Variants in HDAC4 observed in about 807,000 individuals in gnomAD.
HDAC4 encodes histone deacetylase 4, also known as histone deacetylase A.
In HDAC4, 16 loss-of-function variants were observed where a neutral mutation model predicts 135.1. That is an observed-to-expected ratio of 0.12 (90% CI 0.08 to 0.18). The LOEUF (loss-of-function observed/expected upper bound fraction) is 0.18, where lower values mean the gene tolerates loss of function less well. Ranked by LOEUF, HDAC4 falls within the 10% of genes least tolerant of loss-of-function variation. The pLI is 1.00. For missense variants in HDAC4, 1,143 were observed against 1,511.8 expected, an observed-to-expected ratio of 0.76 and a Z score of 4.05; for synonymous variants, 685 against 653.4, an observed-to-expected ratio of 1.05 and a Z score of -0.74.
chr2:239,360,976 TC>T lies in HDAC4; in HGVS notation c.-219-8059del, dbSNP rs1693829085. Among the ~76,000 whole-genome samples, 3 of 152,274 alleles carry T rather than the reference TC, an allele frequency of 2.0e-5. No individual in the cohort carries two copies. In the South Asian group the frequency reaches 6.2e-4, roughly 32 times the overall value. On this transcript the variant is annotated intron_variant, in intron 1 of 26. Coordinates refer to ENST00000543185, the MANE Select transcript of HDAC4 (RefSeq NM_001378414.1). ...TAAGGACAGGAAAGGCACCTCTCTC[TC>T]CACCTCCACACCCACGTCCCACCTC... is the stretch of plus-strand genomic sequence containing the variant.
chr2:239,236,240 C>T (rs953411976), intron 3 of HDAC4, among the ~76,000 whole-genome samples: 2 of 152,216 alleles, frequency 1.3e-5, no homozygotes, highest in Admixed American at 6.5e-5. Flanking sequence ...GACCCAGCCC[C>T]GCCCACTGCA....
At chr2:239,133,947 G>A (rs1444775538) in intron 11 of HDAC4, among the ~76,000 whole-genome samples, 1 of 152,178 alleles carries the variant, frequency 6.6e-6, no homozygotes, top group African/African-American at 2.4e-5. Flanking sequence ...GGCTTCCAGC[G>A]CTGGCTCAGC....
chr2:239,333,576 T>C (rs900568660), intron 2 of HDAC4, among the ~76,000 whole-genome samples: 11 of 152,032 alleles, frequency 7.2e-5, no homozygotes, highest in Non-Finnish European at 1.5e-4. Context: ...ATTACAGAAG[T>C]GTAAGGTTGA....
intron 15 of HDAC4, among the ~76,000 whole-genome samples, chr2:239,107,490 G>A (rs2038260117): frequency 6.6e-6 from 1 of 152,220 alleles, no homozygotes; most frequent in Admixed American, 6.5e-5. Context: ...GGCCCTGCCT[G>A]CAGCTCCATT....
intron 1 of HDAC4, among the ~76,000 whole-genome samples, chr2:239,365,595 C>T (rs1488847009): frequency 1.3e-5 from 2 of 152,122 alleles, no homozygotes; most frequent in Non-Finnish European, 2.9e-5. Flanking sequence ...CACACACACA[C>T]TTGCACAGGC....
At chr2:239,110,411 A>G (rs1453929357) in intron 14 of HDAC4, among the ~76,000 whole-genome samples, 7 of 152,204 alleles carry the variant, frequency 4.6e-5, no homozygotes, top group African/African-American at 1.4e-4. Flanking sequence ...GGTGGCGGTG[A>G]CTGGGGTCTC....
intron 2 of HDAC4, chr2:239,305,461 A>G (rs2052526964): frequency 6.6e-6 from 1 of 152,648 alleles, no homozygotes; most frequent in Admixed American, 6.5e-5. Flanking sequence ...CTGTGAGCCC[A>G]ACAGCGCCCT....
chr2:239,323,502 A>C (rs1486728409), intron 2 of HDAC4, among the ~76,000 whole-genome samples: 4 of 152,232 alleles, frequency 2.6e-5, no homozygotes, highest in African/African-American at 9.6e-5. Context: ...GCTTTCATCC[A>C]ACAAAATCAA....
At chr2:239,250,032 G>A (rs1344354913) in intron 2 of HDAC4, among the ~76,000 whole-genome samples, 1 of 152,304 alleles carries the variant, frequency 6.6e-6, no homozygotes, top group African/African-American at 2.4e-5. Context: ...CAGCCCTCCC[G>A]CCTCTGGAAG....
chr2:239,397,542 C>T (rs776128546), intron 1 of HDAC4, among the ~76,000 whole-genome samples: 1 of 152,154 alleles, frequency 6.6e-6, no homozygotes, highest in Non-Finnish European at 1.5e-5. Flanking sequence ...AGCAAGGCCA[C>T]AGCAAGGGGA....
chr2:239,111,968 C>A (rs1277796241), intron 13 of HDAC4, among the ~76,000 whole-genome samples: 1 of 152,180 alleles, frequency 6.6e-6, no homozygotes, highest in African/African-American at 2.4e-5. Flanking sequence ...GCAGGCTGTC[C>A]ACGTGGGATC....
intron 12 of HDAC4, among the ~76,000 whole-genome samples, chr2:239,116,458 C>A (rs528051683): frequency 6.6e-6 from 1 of 152,244 alleles, no homozygotes; most frequent in African/African-American, 2.4e-5. Flanking sequence ...GCATTGCTCA[C>A]GAGAAACGCC....
At chr2:239,123,189 A>T (rs778666008) in intron 12 of HDAC4, among the ~76,000 whole-genome samples, 1 of 152,236 alleles carries the variant, frequency 6.6e-6, no homozygotes, top group Non-Finnish European at 1.5e-5. Flanking sequence ...AGATAATGAC[A>T]TAATAAAATT....
chr2:239,053,991 G>A (rs1176393374), intron 25 of HDAC4, among the ~76,000 whole-genome samples: 1 of 151,878 alleles, frequency 6.6e-6, no homozygotes, highest in Non-Finnish European at 1.5e-5. Flanking sequence ...GGGGATTGTC[G>A]CTGGGGCTGA....
intron 8 of HDAC4, among the ~76,000 whole-genome samples, chr2:239,143,282 C>A (rs940210953): frequency 1.3e-5 from 2 of 151,804 alleles, no homozygotes; most frequent in Non-Finnish European, 2.9e-5. Context: ...AACAAAAAAA[C>A]GCAAAGGTTC....
At chr2:239,152,153 G>A (rs548427697) in intron 7 of HDAC4, among the ~76,000 whole-genome samples, 1 of 152,316 alleles carries the variant, frequency 6.6e-6, no homozygotes, top group East Asian at 1.9e-4. Context: ...ATGACAAAAC[G>A]TTGCTTGCTT....
chr2:239,260,206 C>T (rs554853595), intron 2 of HDAC4, among the ~76,000 whole-genome samples: 8 of 152,340 alleles, frequency 5.3e-5, no homozygotes, highest in Non-Finnish European at 8.8e-5. Context: ...CGCCCTGTGA[C>T]GACTCTCTTG....
chr2:239,294,966 A>G (rs1256206969), intron 2 of HDAC4, among the ~76,000 whole-genome samples: 4 of 152,064 alleles, frequency 2.6e-5, no homozygotes, highest in African/African-American at 4.8e-5. Context: ...GTCTGATAAG[A>G]CTTTTAGTGC....
rs1180519946 is a variant in HDAC4 at position 239,051,846 on chromosome 2, T to TA, written c.*1250_*1251insT. On this transcript the variant is annotated 3_prime_UTR_variant, in exon 27 of 27. Transcript: ENST00000543185. ...AGGGACCTTCGCAATCTGCATTCAT[T>TA]TTATATATATATATATACTTTTTCT... is the stretch of plus-strand genomic sequence containing the variant. 15 of 148,160 alleles carry TA rather than the reference T, an allele frequency of 1.0e-4. No individual in the cohort carries two copies. Among genetic ancestry groups the TA allele is most frequent in the African/African-American group, 3.7e-4 (15 of 40,870 alleles). The allele number at this position is 148,160 out of a possible 1,614,324, so 9.2% of individuals were successfully genotyped here.
Sources: allele counts gnomAD v4.1 joint callset (sites outside exome capture counted in the v4.1 genomes callset), GRCh38; gene constraint gnomAD v4.1.1; transcripts MANE v1.5; gene names NCBI Gene and HGNC (gene_info 2026-07-23, HGNC 2026-07-21).